Variants in AMD1 observed in about 807,000 individuals in gnomAD.
AMD1 encodes the protein adenosylmethionine decarboxylase 1, also known as S-adenosylmethionine decarboxylase proenzyme.
Under a neutral mutation model 40.2 loss-of-function variants are expected in AMD1, and 11 were observed. The ratio of observed to expected loss-of-function variants is 0.27; its 90% CI spans 0.17 to 0.45. The LOEUF (loss-of-function observed/expected upper bound fraction) is 0.45, where lower values mean the gene tolerates loss of function less well. Among genes scored for constraint, AMD1 ranks in the 20% least tolerant of loss-of-function variants. The pLI, the probability that AMD1 is intolerant of heterozygous loss-of-function variation, is 1.00. For synonymous variants in AMD1, 121 were observed against 130.8 expected, an observed-to-expected ratio of 0.93 and a Z score of 0.51; for missense variants, 257 against 410.2, an observed-to-expected ratio of 0.63 and a Z score of 3.23.
chr6:110,834,806 G>T, the AMD1 span, among the ~76,000 whole-genome samples: 1 of 151,674 alleles, frequency 6.6e-6, no homozygotes, highest in Non-Finnish European at 1.5e-5. Flanking sequence ...AAAATTAGCT[G>T]GGTGTGGTGG....
chr6:110,857,590 GATGGTATATATATAT>G, the AMD1 span, among the ~76,000 whole-genome samples: 2 of 136,582 alleles, frequency 1.5e-5, no homozygotes, highest in African/African-American at 2.9e-5. Flanking sequence ...TATATATATA[GATGGTATATATATAT>G]ATGGTATATA....
At chr6:110,874,470 T>C (rs1330229497), upstream of AMD1, among the ~76,000 whole-genome samples, 1 of 152,042 alleles carries the variant, frequency 6.6e-6, no homozygotes, top group African/African-American at 2.4e-5. Context: ...TTTTTTTTTC[T>C]AAACAGCTCT....
intron 1 of AMD1, among the ~76,000 whole-genome samples, chr6:110,875,904 C>A (rs1785080266): frequency 6.6e-6 from 1 of 152,062 alleles, no homozygotes; most frequent in African/African-American, 2.4e-5. Context: ...GCTGGGCAGA[C>A]GGCGCAGTCC....
At chr6:110,873,376 C>G (rs1483927890), upstream of AMD1, among the ~76,000 whole-genome samples, 1 of 152,210 alleles carries the variant, frequency 6.6e-6, no homozygotes, top group Non-Finnish European at 1.5e-5. Context: ...ACAAACAAAA[C>G]AAAGCAAGAG....
chr6:110,857,096 G>A, the AMD1 span, among the ~76,000 whole-genome samples: 2 of 151,802 alleles, frequency 1.3e-5, no homozygotes, highest in Non-Finnish European at 2.9e-5. Flanking sequence ...CCTGGGAGGC[G>A]GAGGTTGCGG....
At chr6:110,868,915 C>T in the AMD1 span, among the ~76,000 whole-genome samples, 1 of 151,756 alleles carries the variant, frequency 6.6e-6, no homozygotes, top group Non-Finnish European at 1.5e-5. Flanking sequence ...ACAAAATTAG[C>T]CAGGTGTGGT....
the AMD1 span, among the ~76,000 whole-genome samples, chr6:110,819,124 G>A: frequency 2.6e-5 from 4 of 152,146 alleles, no homozygotes; most frequent in Non-Finnish European, 4.4e-5. Flanking sequence ...TTGGGAGGCC[G>A]AGGTGGGCGG....
the AMD1 span, chr6:110,814,725 T>TCGTCCGTCTC: frequency 3.3e-6 from 2 of 607,212 alleles, no homozygotes; most frequent in African/African-American, 1.8e-5. Flanking sequence ...CGGTCCCAAC[T>TCGTCCGTCTC]CGAGTCCCCC....
chr6:110,815,384 C>A, the AMD1 span: 1 of 376,648 alleles, frequency 2.7e-6, no homozygotes, highest in Non-Finnish European at 4.7e-6. Context: ...GCAGGCACCC[C>A]CAGTCCCGCC....
At chr6:110,858,548 G>GACCT in the AMD1 span, 18 of 1,600,970 alleles carry the variant, frequency 1.1e-5, no homozygotes, top group Middle Eastern at 2.2e-4. Flanking sequence ...GAACACCGTG[G>GACCT]ACCTGTTCGA....
At chr6:110,859,666 G>A in the AMD1 span, among the ~76,000 whole-genome samples, 8 of 152,174 alleles carry the variant, frequency 5.3e-5, no homozygotes, top group Admixed American at 2.6e-4. Context: ...AATATCTCAG[G>A]CTCCCAAGTG....
the AMD1 span, chr6:110,814,740 G>A: frequency 4.8e-6 from 3 of 627,144 alleles, no homozygotes; most frequent in South Asian, 1.5e-5. Flanking sequence ...TCCCCCCGCC[G>A]TCTCCGAGCA....
the AMD1 span, among the ~76,000 whole-genome samples, chr6:110,860,784 A>G: frequency 1.3e-5 from 2 of 151,648 alleles, no homozygotes; most frequent in Non-Finnish European, 2.9e-5. Flanking sequence ...TGGGTGACAG[A>G]GCGAGACTCC....
intron 1 of AMD1, among the ~76,000 whole-genome samples, chr6:110,882,797 A>T (rs1785479805): frequency 6.6e-6 from 1 of 152,166 alleles, no homozygotes; most frequent in Non-Finnish European, 1.5e-5. Context: ...TGAATGGAGA[A>T]TTTTATTAAC....
chr6:110,851,258 G>T, the AMD1 span, among the ~76,000 whole-genome samples: 2 of 151,976 alleles, frequency 1.3e-5, no homozygotes, highest in Non-Finnish European at 2.9e-5. Context: ...GAGCCACCAC[G>T]CCCGGCCTTT....
At chr6:110,845,670 G>A in the AMD1 span, among the ~76,000 whole-genome samples, 1 of 152,084 alleles carries the variant, frequency 6.6e-6, no homozygotes, top group Non-Finnish European at 1.5e-5. Flanking sequence ...GATTTGCCAG[G>A]GGTTCTCAGG....
At chr6:110,889,031 T>A (rs1246170690) in intron 3 of AMD1, 48 bp downstream of exon 3, 2 of 1,597,902 alleles carry the variant, frequency 1.3e-6, no homozygotes, top group Non-Finnish European at 1.7e-6. Flanking sequence ...ATGTTAGCGT[T>A]CTTATCCTGT....
At chr6:110,843,007 C>A in the AMD1 span, among the ~76,000 whole-genome samples, 1 of 151,982 alleles carries the variant, frequency 6.6e-6, no homozygotes, top group Non-Finnish European at 1.5e-5. Context: ...GTGGTGGGCA[C>A]CTGTAGTCCC....
chr6:110,864,961 C>A, the AMD1 span, among the ~76,000 whole-genome samples: 52 of 152,244 alleles, frequency 3.4e-4, no homozygotes, highest in Non-Finnish European at 7.2e-4. Context: ...CAGGGAAACA[C>A]TTCACATCAC....
Sources: allele counts gnomAD v4.1 joint callset (sites outside exome capture counted in the v4.1 genomes callset), GRCh38; gene constraint gnomAD v4.1.1; transcripts MANE v1.5; gene names NCBI Gene and HGNC (gene_info 2026-07-23, HGNC 2026-07-21).